Variants in RPS6KC1 observed in about 807,000 individuals in gnomAD.
The protein encoded by RPS6KC1 is inactive ribosomal protein S6 kinase delta-1.
RPS6KC1 carries 54 observed loss-of-function variants against 103.8 expected under a neutral mutation model. The ratio of observed to expected loss-of-function variants is 0.52; its 90% CI spans 0.42 to 0.65. The LOEUF is 0.65. Among genes scored for constraint, RPS6KC1 ranks in the 30% least tolerant of loss-of-function variants. RPS6KC1 has a pLI of 0.00. For synonymous variants in RPS6KC1, 439 were observed against 438.7 expected, an observed-to-expected ratio of 1.00 and a Z score of -0.01; for missense variants, 1,151 against 1,253.8, an observed-to-expected ratio of 0.92 and a Z score of 1.24.
intron 8 of RPS6KC1, among the ~76,000 whole-genome samples, chr1:213,209,020 G>A (rs1435936765): frequency 6.6e-6 from 1 of 151,752 alleles, no homozygotes; most frequent in Non-Finnish European, 1.5e-5. Context: ...TTTCTCTATT[G>A]GTTCAACTTG....
At chr1:213,286,297 T>A in the RPS6KC1 span, among the ~76,000 whole-genome samples, 1 of 152,222 alleles carries the variant, frequency 6.6e-6, no homozygotes, top group Admixed American at 6.5e-5. Flanking sequence ...AAAACTGCTT[T>A]ATTCTAAAAG....
At chr1:213,520,954 C>T in the RPS6KC1 span, among the ~76,000 whole-genome samples, 5 of 152,200 alleles carry the variant, frequency 3.3e-5, no homozygotes, top group East Asian at 5.8e-4. Context: ...CCAGAGTTAA[C>T]CATTATTGGC....
At chr1:213,283,881 T>G in the RPS6KC1 span, among the ~76,000 whole-genome samples, 1 of 151,594 alleles carries the variant, frequency 6.6e-6, no homozygotes, top group South Asian at 2.1e-4. Context: ...TTAGAAATGT[T>G]TTTTTTTTAC....
rs558602159 is a variant in RPS6KC1, at chr1:213,173,570, T to A, written c.952-2830T>A. 3.9e-5 allele frequency among the ~76,000 whole-genome samples: 6 copies of A among 152,352 alleles called. No individual in the cohort carries two copies. In the East Asian group the frequency reaches 1.2e-3, roughly 29 times the overall value. On this transcript the variant is annotated intron_variant, in intron 7 of 14. Coordinates refer to ENST00000366960, the MANE Select transcript of RPS6KC1 (RefSeq NM_012424.6). ...TCCCCAACAGGCTAATGCTTTCCAA[T>A]TGTATACAGTATAGAATAACTTTTT...
the RPS6KC1 span, among the ~76,000 whole-genome samples, chr1:213,718,321 A>G: frequency 1.3e-5 from 2 of 152,198 alleles, no homozygotes; most frequent in Admixed American, 1.3e-4. Flanking sequence ...CCACCTCTTC[A>G]CAGCTGGGGC....
chr1:213,471,096 G>A, the RPS6KC1 span, among the ~76,000 whole-genome samples: 1 of 152,156 alleles, frequency 6.6e-6, no homozygotes, highest in Non-Finnish European at 1.5e-5. Context: ...TTTTGTGTGT[G>A]TGTATATCAT....
rs980427511 is a variant in RPS6KC1 at position 213,205,224 on chromosome 1, C to G, written c.1045-25273C>G. On this transcript the variant is annotated intron_variant, in intron 8 of 14. Coordinates refer to ENST00000366960, the MANE Select transcript of RPS6KC1 (RefSeq NM_012424.6). Reference sequence around the variant, plus strand: ...TGTACTTTCTACTTTTTAATCTACTCTACTGATTCATTAGTACACAGCCAT... The same window carrying G: ...TGTACTTTCTACTTTTTAATCTACTGTACTGATTCATTAGTACACAGCCAT... The G allele has an allele frequency of 6.1e-6, 6 of 983,596 alleles. No homozygotes were observed. The South Asian group carries it at 1.9e-4, about 31-fold the overall frequency. The allele number at this position is 983,596 out of a possible 1,614,324, so 60.9% of individuals were successfully genotyped here. A position where few individuals can be genotyped will look rare whatever the true frequency, so the allele number is the denominator to read the frequency against.
At chr1:213,800,362 A>G in the RPS6KC1 span, among the ~76,000 whole-genome samples, 1 of 152,284 alleles carries the variant, frequency 6.6e-6, no homozygotes, top group African/African-American at 2.4e-5. Flanking sequence ...CCTTCCTAAG[A>G]CGATGCTCCC....
At chr1:213,151,477 C>T (rs1233138604) in intron 6 of RPS6KC1, among the ~76,000 whole-genome samples, 6 of 130,336 alleles carry the variant, frequency 4.6e-5, no homozygotes, top group Middle Eastern at 4.4e-3. Flanking sequence ...GGGGGGCTGA[C>T]CCCCCCACCT....
In RPS6KC1 at chr1:213,240,925, C is replaced by T. The variant is rs1431120389; in HGVS notation, c.1449C>T (p.Asp483=). The T allele has an allele frequency of 2.0e-5, 32 of 1,613,746 alleles. No homozygotes were observed. Among genetic ancestry groups the T allele is most frequent in the Non-Finnish European group, 2.7e-5 (32 of 1,179,884 alleles). ...KSSLTPSSQD[D]SNQEDDGQDS... ...GTCTTACTCCAAGTTCTCAAGATGA[C>T]AGCAACCAGGAAGATGATGGCCAAG... is the stretch of plus-strand genomic sequence containing the variant. Residue 483 remains aspartate (D), a synonymous_variant, in exon 11 of 15, where the codon GAC becomes GAT. Coordinates refer to ENST00000366960, the MANE Select transcript of RPS6KC1 (RefSeq NM_012424.6).
At chr1:213,847,541 A>G in the RPS6KC1 span, among the ~76,000 whole-genome samples, 1 of 152,292 alleles carries the variant, frequency 6.6e-6, no homozygotes, top group East Asian at 1.9e-4. Context: ...AGAAACTGAA[A>G]TGGAGATGAT....
At chr1:213,643,673 T>G in the RPS6KC1 span, among the ~76,000 whole-genome samples, 1 of 151,916 alleles carries the variant, frequency 6.6e-6, no homozygotes, top group Non-Finnish European at 1.5e-5. Flanking sequence ...ATCAGTATAG[T>G]GTTAAATGAA....
chr1:213,822,319 C>A, the RPS6KC1 span: 10 of 152,158 alleles, frequency 6.6e-5, no homozygotes, highest in African/African-American at 2.2e-4. Context: ...TAATGTAGAG[C>A]TCAGACCTTG....
At chr1:213,477,389 A>G in the RPS6KC1 span, among the ~76,000 whole-genome samples, 1 of 150,938 alleles carries the variant, frequency 6.6e-6, no homozygotes, top group African/African-American at 2.4e-5. Context: ...GATTTTTTTG[A>G]AAGGCAAGTT....
chr1:213,834,681 G>C, the RPS6KC1 span, among the ~76,000 whole-genome samples: 4 of 151,180 alleles, frequency 2.6e-5, 1 homozygote, highest in East Asian at 7.9e-4. Context: ...CCTCCATAGA[G>C]CCCTTCTCAA....
chr1:213,056,131 A>T (rs2077312395), intron 1 of RPS6KC1, among the ~76,000 whole-genome samples: 1 of 152,202 alleles, frequency 6.6e-6, no homozygotes, highest in Non-Finnish European at 1.5e-5. Flanking sequence ...TAGTTTTATT[A>T]TACGTAGCTA....
At chr1:213,301,297 C>T in the RPS6KC1 span, among the ~76,000 whole-genome samples, 1 of 152,060 alleles carries the variant, frequency 6.6e-6, no homozygotes, top group Non-Finnish European at 1.5e-5. Context: ...CTTTTGGTGC[C>T]CTAGGACTTC....
chr1:213,381,335 C>T, the RPS6KC1 span, among the ~76,000 whole-genome samples: 1 of 152,104 alleles, frequency 6.6e-6, no homozygotes, highest in African/African-American at 2.4e-5. Context: ...TCCCTGTCCT[C>T]TGTGCATTGC....
At chr1:213,237,876 A>G (rs74748539) in intron 10 of RPS6KC1, among the ~76,000 whole-genome samples, 1,729 of 152,188 alleles carry the variant, frequency 0.011, 39 homozygotes, top group African/African-American at 0.038. Flanking sequence ...TACCTTAGCA[A>G]TAACAGGTTT....
Sources: allele counts gnomAD v4.1 joint callset (sites outside exome capture counted in the v4.1 genomes callset), GRCh38; gene constraint gnomAD v4.1.1; transcripts MANE v1.5; gene names NCBI Gene and HGNC (gene_info 2026-07-23, HGNC 2026-07-21).